Variants in NEDD1 observed in about 807,000 individuals in gnomAD.
NEDD1 encodes protein NEDD1.
NEDD1 carries 33 observed loss-of-function variants against 74.0 expected under a neutral mutation model. The ratio of observed to expected loss-of-function variants is 0.45; its 90% CI spans 0.34 to 0.60. The LOEUF (loss-of-function observed/expected upper bound fraction) is 0.60, where lower values mean the gene tolerates loss of function less well. Among genes scored for constraint, NEDD1 ranks in the 20% least tolerant of loss-of-function variants. NEDD1 has a pLI of 0.01. For synonymous variants in NEDD1, 250 were observed against 264.4 expected (o/e 0.95, Z 0.53); for missense variants, 746 against 776.5 (o/e 0.96, Z 0.47).
intron 14 of NEDD1, among the ~76,000 whole-genome samples, chr12:96,949,575 G>GA (rs1055257176): frequency 2.6e-5 from 4 of 152,020 alleles, no homozygotes; most frequent in East Asian, 3.9e-4. Flanking sequence ...TGTATGGAAG[G>GA]AAAAAAATCT....
At chr12:96,937,430 G>GTT in intron 9 of NEDD1, 37 bp downstream of exon 9, 45 of 1,111,996 alleles carry the variant, frequency 4.0e-5, no homozygotes, top group Non-Finnish European at 4.6e-5. Context: ...GGGTTGGTTT[G>GTT]TTTTTTTTTT....
intron 9 of NEDD1, among the ~76,000 whole-genome samples, chr12:96,938,733 C>G (rs1040932865): frequency 4.6e-5 from 7 of 152,040 alleles, no homozygotes; most frequent in African/African-American, 1.7e-4. Context: ...CAGATAACTC[C>G]TGAGCATTAC....
intron 6 of NEDD1, among the ~76,000 whole-genome samples, chr12:96,934,510 T>TTTTG (rs1876882257): frequency 2.0e-5 from 3 of 151,858 alleles, no homozygotes; most frequent in Non-Finnish European, 4.4e-5. Context: ...TCTTTTTTTT[T>TTTTG]TTTAAGACAG....
chr12:96,931,982 TG>T (rs952797198), intron 6 of NEDD1, among the ~76,000 whole-genome samples: 16 of 152,174 alleles, frequency 1.1e-4, no homozygotes, highest in African/African-American at 3.6e-4. Flanking sequence ...AACTTATTTT[TG>T]TAAAGTTTAT....
chr12:96,928,689 T>C (rs1256954332), intron 6 of NEDD1, among the ~76,000 whole-genome samples: 2 of 144,546 alleles, frequency 1.4e-5, no homozygotes, highest in South Asian at 2.3e-4. Context: ...TTCTTTTTTT[T>C]TTTTTTTTTT....
intron 6 of NEDD1, among the ~76,000 whole-genome samples, chr12:96,927,739 A>G (rs1225615462): frequency 6.6e-6 from 1 of 152,178 alleles, no homozygotes; most frequent in Non-Finnish European, 1.5e-5. Flanking sequence ...GATCTGATAA[A>G]TGTAAATATT....
intron 12 of NEDD1, among the ~76,000 whole-genome samples, chr12:96,944,337 A>G (rs1162073362): frequency 1.3e-5 from 2 of 151,990 alleles, no homozygotes; most frequent in East Asian, 3.8e-4. Flanking sequence ...ACTGGTTACC[A>G]CATGCATGGT....
In NEDD1 at chr12:96,934,996, C is replaced by T. The variant is rs746909964; in HGVS notation, c.510C>T (p.Tyr170=). ...GSNQSVRHLK[Y]SLFKKSLLGS... ...TATAGTCTGTTCGGCACTTGAAGTA[C>T]TCCTTGTTTAAGAAATCACTACTGG... Residue 170 remains tyrosine, a synonymous_variant, in exon 7 of 16, where the codon TAC becomes TAT. Coordinates refer to ENST00000266742, the MANE Select transcript of NEDD1 (RefSeq NM_152905.4). 11 of 1,604,214 alleles carry T rather than the reference C, an allele frequency of 6.9e-6. No homozygotes were observed. The Admixed American group carries it at 1.8e-4, about 27-fold the overall frequency.
At chr12:96,921,909 C>T (rs1365444227) in intron 6 of NEDD1, among the ~76,000 whole-genome samples, 2 of 151,882 alleles carry the variant, frequency 1.3e-5, no homozygotes, top group Admixed American at 6.6e-5. Flanking sequence ...AGCCACCACA[C>T]CCAGCTGGGA....
intron 2 of NEDD1, 118 bp from the exon 3 acceptor site, chr12:96,909,634 C>T (rs373435855): frequency 1.3e-6 from 1 of 775,594 alleles, no homozygotes; most frequent in African/African-American, 1.8e-5. Flanking sequence ...GGTGACTGCA[C>T]TGTTTGGAAC....
intron 6 of NEDD1, among the ~76,000 whole-genome samples, chr12:96,921,543 A>G (rs1875094021): frequency 6.6e-6 from 1 of 152,070 alleles, no homozygotes; most frequent in Non-Finnish European, 1.5e-5. Context: ...CTTTGTCCTC[A>G]GTCTATTTTC....
intron 12 of NEDD1, among the ~76,000 whole-genome samples, 156 bp downstream of exon 12, chr12:96,943,918 C>T (rs249581): frequency 0.15 from 22,476 of 151,988 alleles, 1,964 homozygotes; most frequent in Middle Eastern, 0.25. Context: ...TTTGAAATCT[C>T]GCTTTGGATA....
rs370940142 is a variant in NEDD1, at chr12:96,918,906, G to A, written c.349-1079G>A. ...ACATTTTTTCCTCAAGATAGCAAGTGTTCCTTGGTTTTGGGAAAGGAATAA... is the reference window on the plus strand; with the variant it reads ...ACATTTTTTCCTCAAGATAGCAAGTATTCCTTGGTTTTGGGAAAGGAATAA... On this transcript the variant is annotated intron_variant, in intron 5 of 15. Transcript: ENST00000266742. 5.9e-5 allele frequency among the ~76,000 whole-genome samples: 9 copies of A among 152,274 alleles called. No individual in the cohort carries two copies. In the East Asian group the frequency reaches 1.2e-3, roughly 20 times the overall value.
chr12:96,945,094 A>G (rs1304082684), intron 13 of NEDD1, among the ~76,000 whole-genome samples: 1 of 152,036 alleles, frequency 6.6e-6, no homozygotes, highest in African/African-American at 2.4e-5. Context: ...TTGGTTAACT[A>G]CCTGAAAATG....
At position 96,942,578 on chromosome 12, in the gene NEDD1, T is replaced by C; in HGVS notation, c.1248T>C (p.Asp416=). 1.4e-6 allele frequency: 2 copies of C among 1,459,976 alleles called. No homozygotes were observed. The highest frequency in any genetic ancestry group is 1.9e-6 in the Non-Finnish European group (2 of 1,042,116). The allele number at this position is 1,459,976 out of a possible 1,614,324, so 90.4% of individuals were successfully genotyped here. A position where few individuals can be genotyped will look rare whatever the true frequency, so the allele number is the denominator to read the frequency against. Residue 416 remains aspartate (D), a splice_region_variant and synonymous_variant, in exon 11 of 16, where the codon GAT becomes GAC. Coordinates refer to ENST00000266742, the MANE Select transcript of NEDD1 (RefSeq NM_152905.4). ...ATTTGATTTTCTAATTTGTTATAGA[T>C]GCTGTAGTTAACAAGGGAAGTGATG... ...LGDMFSPIRD[D]AVVNKGSDES...
intron 10 of NEDD1, among the ~76,000 whole-genome samples, chr12:96,941,992 C>T (rs1452171540): frequency 6.6e-6 from 1 of 152,028 alleles, no homozygotes; most frequent in Non-Finnish European, 1.5e-5. Flanking sequence ...GACTTTGGCT[C>T]ATTTTTAATT....
At chr12:96,912,635 G>A in intron 3 of NEDD1, 88 bp from the exon 4 acceptor site, 1 of 691,872 alleles carries the variant, frequency 1.4e-6, no homozygotes, top group Non-Finnish European at 2.6e-6. Flanking sequence ...TCTTCTTAGT[G>A]TGTTAGCTTT....
chr12:96,927,332 C>A (rs1411905437), intron 6 of NEDD1, among the ~76,000 whole-genome samples: 1 of 152,168 alleles, frequency 6.6e-6, no homozygotes, highest in Non-Finnish European at 1.5e-5. Flanking sequence ...TATTTAGAAT[C>A]CAACTTTGAA....
chr12:96,937,923 C>CA (rs1438581312), intron 9 of NEDD1, among the ~76,000 whole-genome samples: 2 of 151,318 alleles, frequency 1.3e-5, no homozygotes, highest in Non-Finnish European at 2.9e-5. Context: ...TTCTTGCTCA[C>CA]AATAAAAAAA....
Sources: allele counts gnomAD v4.1 joint callset (sites outside exome capture counted in the v4.1 genomes callset), GRCh38; gene constraint gnomAD v4.1.1; transcripts MANE v1.5; gene names NCBI Gene and HGNC (gene_info 2026-07-23, HGNC 2026-07-21).